SNTG1: variants seen among roughly 807,000 people sequenced by gnomAD.
SNTG1 encodes gamma-1-syntrophin.
In SNTG1, 39 loss-of-function variants were observed where a neutral mutation model predicts 74.7. The observed-to-expected ratio is 0.52, with a 90% CI of 0.40 to 0.68. The LOEUF (loss-of-function observed/expected upper bound fraction) is 0.68, where lower values mean the gene tolerates loss of function less well. SNTG1 is among the 30% of genes least tolerant of loss of function. The probability of loss-of-function intolerance (pLI) is 0.00; values close to 1 mark genes in which losing one functional copy is unlikely to be tolerated. For missense variants in SNTG1, 685 were observed against 609.5 expected, an observed-to-expected ratio of 1.12 and a Z score of -1.30; for synonymous variants, 254 against 217.1, an observed-to-expected ratio of 1.17 and a Z score of -1.49.
intron 1 of SNTG1, among the ~76,000 whole-genome samples, chr8:50,160,072 A>G (rs1433005129): frequency 6.6e-6 from 1 of 152,168 alleles, no homozygotes; most frequent in Non-Finnish European, 1.5e-5. Flanking sequence ...AGGACAACAT[A>G]TTGAGTAATG....
At chr8:50,240,276 A>G (rs2086108268) in intron 2 of SNTG1, among the ~76,000 whole-genome samples, 1 of 152,190 alleles carries the variant, frequency 6.6e-6, no homozygotes, top group Non-Finnish European at 1.5e-5. Context: ...GATTCCAAGC[A>G]CTTTTCTTTT....
At chr8:49,964,102 C>A (rs1347826483) in intron 1 of SNTG1, among the ~76,000 whole-genome samples, 1 of 152,154 alleles carries the variant, frequency 6.6e-6, no homozygotes, top group Admixed American at 6.5e-5. Context: ...GCCACAGTAC[C>A]TAGATATTTG....
chr8:50,461,156 GGTGTGTGTGTGTGTGTGTGTGTGTGTGT>G (rs71233496), intron 8 of SNTG1, among the ~76,000 whole-genome samples: 4 of 124,086 alleles, frequency 3.2e-5, no homozygotes, highest in African/African-American at 1.2e-4. Context: ...AGATTTTTCT[GGTGTGTGTGTGTGTGTGTGTGTGTGTGT>G]GTGTGTGTGT....
At chr8:50,709,906 C>T (rs1563771447) in intron 17 of SNTG1, among the ~76,000 whole-genome samples, 1 of 152,152 alleles carries the variant, frequency 6.6e-6, no homozygotes, top group Non-Finnish European at 1.5e-5. Flanking sequence ...CCAGAACACA[C>T]ATATTTTATC....
At chr8:50,112,475 T>C (rs2080630586) in intron 1 of SNTG1, among the ~76,000 whole-genome samples, 1 of 146,484 alleles carries the variant, frequency 6.8e-6, no homozygotes, top group Non-Finnish European at 1.5e-5. Context: ...AAGAGGTATA[T>C]CAAAACAGTT....
chr8:50,038,712 T>C (rs1383464135), intron 1 of SNTG1, among the ~76,000 whole-genome samples: 1 of 152,166 alleles, frequency 6.6e-6, no homozygotes, highest in Admixed American at 6.5e-5. Context: ...AAAATCCTAA[T>C]GACCAAAAGA....
chr8:49,976,924 C>G (rs1393965286), intron 1 of SNTG1, among the ~76,000 whole-genome samples: 1 of 152,102 alleles, frequency 6.6e-6, no homozygotes, highest in Non-Finnish European at 1.5e-5. Flanking sequence ...AGGAAAGCAG[C>G]TCAGAGACTG....
rs192333079 is a variant in SNTG1 at position 50,124,782 on chromosome 8, T to C, written c.-102-47779T>C. ...AATTGTTGCCAAATTCCTAAAGAAA[T>C]TGGCCCTAGTAATTGAAGCTTGTTG... On this transcript the variant is annotated intron_variant, in intron 1 of 18. Transcript: ENST00000642720. Among the ~76,000 whole-genome samples the C allele has an allele frequency of 1.3e-4, 18 of 140,928 alleles. 2 individuals carry two copies. The East Asian group carries it at 3.3e-3, about 26-fold the overall frequency. The allele number at this position is 140,928 out of a possible 152,430, so 92.5% of individuals were successfully genotyped here. A position where few individuals can be genotyped will look rare whatever the true frequency, so the allele number is the denominator to read the frequency against.
intron 1 of SNTG1, among the ~76,000 whole-genome samples, chr8:50,032,430 T>C (rs1025428872): frequency 2.6e-5 from 4 of 152,148 alleles, no homozygotes; most frequent in Non-Finnish European, 5.9e-5. Flanking sequence ...TTTAGAGTGC[T>C]ATAGTTTAGA....
intron 4 of SNTG1, among the ~76,000 whole-genome samples, chr8:50,433,290 A>C (rs2093261773): frequency 6.6e-6 from 1 of 152,158 alleles, no homozygotes; most frequent in Non-Finnish European, 1.5e-5. Flanking sequence ...TTGACAAAAA[A>C]CAAAGATAGT....
intron 15 of SNTG1, among the ~76,000 whole-genome samples, chr8:50,680,022 G>T (rs1563734289): frequency 6.6e-6 from 1 of 152,098 alleles, no homozygotes; most frequent in Non-Finnish European, 1.5e-5. Flanking sequence ...GAGCAGAAAT[G>T]GACATATAGC....
intron 2 of SNTG1, among the ~76,000 whole-genome samples, chr8:50,263,872 T>A (rs575080863): frequency 2.0e-4 from 31 of 152,266 alleles, no homozygotes; most frequent in Admixed American, 6.5e-4. Flanking sequence ...CTTCACTCAG[T>A]GATTGCGGCA....
intron 2 of SNTG1, among the ~76,000 whole-genome samples, chr8:50,376,998 A>T (rs1036586294): frequency 3.9e-5 from 6 of 152,082 alleles, no homozygotes; most frequent in African/African-American, 1.4e-4. Context: ...GAGTGTTCCC[A>T]GACTCCGGCT....
intron 2 of SNTG1, among the ~76,000 whole-genome samples, chr8:50,193,918 A>G (rs2083670046): frequency 1.3e-5 from 2 of 152,102 alleles, no homozygotes; most frequent in African/African-American, 4.8e-5. Flanking sequence ...TTCTGCATCT[A>G]TTGAGATGAT....
At chr8:50,444,385 C>T (rs1271220910) in intron 5 of SNTG1, among the ~76,000 whole-genome samples, 1 of 152,140 alleles carries the variant, frequency 6.6e-6, no homozygotes, top group Non-Finnish European at 1.5e-5. Context: ...TCTGCTTCCC[C>T]TGCCATTTTT....
chr8:50,313,998 C>A (rs1373992378), intron 2 of SNTG1, among the ~76,000 whole-genome samples: 1 of 149,588 alleles, frequency 6.7e-6, no homozygotes, highest in Non-Finnish European at 1.5e-5. Flanking sequence ...AATACCCAAT[C>A]TTATATATAT....
intron 1 of SNTG1, among the ~76,000 whole-genome samples, chr8:49,962,809 T>C (rs1195963932): frequency 1.3e-5 from 2 of 152,222 alleles, no homozygotes; most frequent in East Asian, 1.9e-4. Context: ...GCCAGGCTGG[T>C]CTTGAACTCT....
At chr8:50,790,760 G>A (rs1259645004) in intron 18 of SNTG1, among the ~76,000 whole-genome samples, 2 of 151,810 alleles carry the variant, frequency 1.3e-5, no homozygotes, top group Non-Finnish European at 2.9e-5. Context: ...AGTTTAAAGT[G>A]TCAATCTATA....
Position 50,686,042 on chromosome 8 carries a change from A to G in SNTG1, c.1039-18558A>G, listed in dbSNP as rs116143427. ...TGCTCTAGTTTTGTAGTAGTAGTCTATTTCAATTATGGTAAATGTTACAAT... is the reference window on the plus strand; with the variant it reads ...TGCTCTAGTTTTGTAGTAGTAGTCTGTTTCAATTATGGTAAATGTTACAAT... On this transcript the variant is annotated intron_variant, in intron 15 of 18. Transcript: ENST00000642720. 1.2e-3 allele frequency among the ~76,000 whole-genome samples: 180 copies of G among 152,260 alleles called. 1 individual carries two copies. Among genetic ancestry groups the G allele is most frequent in the African/African-American group, 4.1e-3 (172 of 41,552 alleles).
Sources: gnomAD v4.1 joint callset for allele counts (sites outside exome capture counted in the v4.1 genomes callset) on GRCh38, gnomAD v4.1.1 for gene constraint, MANE v1.5 for transcripts, NCBI Gene and HGNC (gene_info 2026-07-23, HGNC 2026-07-21) for gene names.